USP28: variants seen among roughly 807,000 people sequenced by gnomAD.
The protein encoded by USP28 is ubiquitin specific peptidase 28.
USP28 carries 113 observed loss-of-function variants against 145.0 expected under a neutral mutation model. The ratio of observed to expected loss-of-function variants is 0.78; its 90% CI spans 0.67 to 0.91. The LOEUF is 0.91. USP28 is among the 40% of genes least tolerant of loss of function. The probability of loss-of-function intolerance (pLI) is 0.00; values close to 1 mark genes in which losing one functional copy is unlikely to be tolerated. For synonymous variants in USP28, 447 were observed against 450.9 expected (o/e 0.99, Z 0.11); for missense variants, 1,201 against 1,289.6 (o/e 0.93, Z 1.05).
chr11:113,868,581 T>C (rs1480540750), intron 1 of USP28, among the ~76,000 whole-genome samples: 1 of 152,172 alleles, frequency 6.6e-6, no homozygotes, highest in Non-Finnish European at 1.5e-5. Flanking sequence ...ATTTCTCATC[T>C]GTAAGATAGA....
At chr11:113,820,013 A>G (rs1443359088) in intron 12 of USP28, among the ~76,000 whole-genome samples, 1 of 152,224 alleles carries the variant, frequency 6.6e-6, no homozygotes, top group African/African-American at 2.4e-5. Flanking sequence ...GTAGTGTTCC[A>G]TTATTGGAAT....
intron 5 of USP28, among the ~76,000 whole-genome samples, chr11:113,837,208 A>G (rs371050295): frequency 3.9e-5 from 6 of 152,244 alleles, no homozygotes; most frequent in African/African-American, 1.4e-4. Context: ...TTCATTTTCT[A>G]TCTCACCTCA....
exon 24 of USP28, chr11:113,801,631 G>C (rs1258395909): frequency 6.3e-7 from 1 of 1,591,584 alleles, no homozygotes; most frequent in Non-Finnish European, 8.6e-7. Flanking sequence ...CAGTTACGGA[G>C]TGATCATCAT....
chr11:113,842,568 G>C (rs577943405), intron 3 of USP28, among the ~76,000 whole-genome samples: 3 of 148,826 alleles, frequency 2.0e-5, no homozygotes, highest in South Asian at 2.1e-4. Flanking sequence ...CTAGGCAACA[G>C]AGTGAGACTC....
intron 5 of USP28, among the ~76,000 whole-genome samples, chr11:113,839,659 C>T (rs1591353749): frequency 1.3e-5 from 2 of 152,184 alleles, no homozygotes; most frequent in African/African-American, 4.8e-5. Context: ...GAGGCTGAGG[C>T]GGGCGGAACA....
chr11:113,830,385 G>C (rs910221376), intron 9 of USP28, among the ~76,000 whole-genome samples: 1 of 152,108 alleles, frequency 6.6e-6, no homozygotes, highest in Non-Finnish European at 1.5e-5. Context: ...TGGGTTCATG[G>C]AGGTTGTAAA....
At chr11:113,863,310 A>G (rs1388296675) in intron 1 of USP28, among the ~76,000 whole-genome samples, 1 of 152,228 alleles carries the variant, frequency 6.6e-6, no homozygotes. Context: ...ACTTAGGAAT[A>G]AATTTGACCA....
chr11:113,799,337 G>A (rs765738125), exon 25 of USP28: 2 of 1,614,204 alleles, frequency 1.2e-6, no homozygotes, highest in Non-Finnish European at 1.7e-6. Flanking sequence ...AATAGTTGGA[G>A]GCTCTTTCAA....
At chr11:113,810,799 C>T (rs1160692108) in intron 16 of USP28, among the ~76,000 whole-genome samples, 2 of 152,192 alleles carry the variant, frequency 1.3e-5, no homozygotes, top group African/African-American at 4.8e-5. Context: ...CTCAGCCTCC[C>T]AAGTAGGTGG....
chr11:113,854,160 G>C, intron 2 of USP28, 98 bp downstream of exon 2: 1 of 1,100,076 alleles, frequency 9.1e-7, no homozygotes. Context: ...GTCCCTATAT[G>C]TGCTTTAATT....
chr11:113,806,529 T>G (rs199990097), exon 19 of USP28: 4 of 1,609,148 alleles, frequency 2.5e-6, no homozygotes, highest in Non-Finnish European at 3.4e-6. Flanking sequence ...GTCAAAGGTC[T>G]GACGGGCTTT....
rs951306097 is a variant in USP28, at chr11:113,831,860, A to G, written c.833+60T>C. ...GTTAAGGAGAGTAACTTTCCAGCATATAATTCTCACTGGCCCACTGTGAGT... is the reference window on the plus strand; with the variant it reads ...GTTAAGGAGAGTAACTTTCCAGCATGTAATTCTCACTGGCCCACTGTGAGT... On this transcript the variant is annotated intron_variant, in intron 8 of 24. Transcript: ENST00000003302. The G allele has an allele frequency of 8.5e-6, 13 of 1,532,656 alleles. No homozygotes were observed. In the Admixed American group the frequency reaches 1.5e-4, roughly 18 times the overall value. The allele number at this position is 1,532,656 out of a possible 1,614,324, so 94.9% of individuals were successfully genotyped here. A position where few individuals can be genotyped will look rare whatever the true frequency, so the allele number is the denominator to read the frequency against.
intron 3 of USP28, among the ~76,000 whole-genome samples, chr11:113,849,494 A>G (rs986086483): frequency 1.3e-4 from 19 of 151,184 alleles, no homozygotes; most frequent in Admixed American, 7.9e-4. Flanking sequence ...ACTTATGGGC[A>G]GTGGCCAGTG....
intron 13 of USP28, 139 bp downstream of exon 13, chr11:113,817,519 A>G (rs1941917229): frequency 3.0e-6 from 3 of 1,013,542 alleles, no homozygotes; most frequent in Middle Eastern, 3.1e-4. Flanking sequence ...ACAGTCAGCA[A>G]AACCCTTCCC....
chr11:113,837,174 A>T (rs952889670), intron 5 of USP28, among the ~76,000 whole-genome samples: 3 of 152,110 alleles, frequency 2.0e-5, no homozygotes, highest in Admixed American at 2.0e-4. Flanking sequence ...CTAGTTCATC[A>T]TTCTGTTAGT....
At chr11:113,819,551 C>T (rs1342922116) in intron 12 of USP28, among the ~76,000 whole-genome samples, 1 of 152,152 alleles carries the variant, frequency 6.6e-6, no homozygotes, top group Non-Finnish European at 1.5e-5. Flanking sequence ...TTAACAGTTT[C>T]TTTTATATTT....
chr11:113,826,991 G>A (rs777530574), intron 11 of USP28, among the ~76,000 whole-genome samples: 1 of 151,184 alleles, frequency 6.6e-6, no homozygotes, highest in Non-Finnish European at 1.5e-5. Context: ...AATTCAGGTA[G>A]TTCCTACCCC....
At chr11:113,862,606 A>G (rs56301420) in intron 1 of USP28, among the ~76,000 whole-genome samples, 126 of 152,368 alleles carry the variant, frequency 8.3e-4, no homozygotes, top group African/African-American at 2.8e-3. Flanking sequence ...CTGTGACGAG[A>G]GAGGCAGGAT....
At chr11:113,820,031 T>C (rs1279941046) in intron 12 of USP28, among the ~76,000 whole-genome samples, 5 of 152,230 alleles carry the variant, frequency 3.3e-5, no homozygotes, top group African/African-American at 9.7e-5. Flanking sequence ...AATGCTAAGC[T>C]TGTGGGAGTT....
Sources: gnomAD v4.1 joint callset for allele counts (sites outside exome capture counted in the v4.1 genomes callset) on GRCh38, gnomAD v4.1.1 for gene constraint, MANE v1.5 for transcripts, NCBI Gene and HGNC (gene_info 2026-07-23, HGNC 2026-07-21) for gene names.